Variants in SPICE1 observed in about 807,000 individuals in gnomAD.
The protein encoded by SPICE1 is spindle and centriole associated protein 1.
In SPICE1, 75 loss-of-function variants were observed where a neutral mutation model predicts 102.7. The observed-to-expected ratio is 0.73, with a 90% CI of 0.61 to 0.88. The LOEUF (loss-of-function observed/expected upper bound fraction) is 0.88. SPICE1 is among the 40% of genes least tolerant of loss of function. The probability of loss-of-function intolerance (pLI) is 0.00; values close to 1 mark genes in which losing one functional copy is unlikely to be tolerated. For synonymous variants in SPICE1, 308 were observed against 350.3 expected (o/e 0.88, Z 1.35); for missense variants, 979 against 1,020.1 (o/e 0.96, Z 0.55).
At chr3:113,482,876 T>G (rs1382664600) in intron 7 of SPICE1, among the ~76,000 whole-genome samples, 2 of 152,246 alleles carry the variant, frequency 1.3e-5, no homozygotes. Context: ...TAGGATTGTC[T>G]TGGCTATGCA....
In SPICE1 at chr3:113,444,769, C is replaced by A. The variant is rs547088436; in HGVS notation, c.*538G>T. 2.6e-5 allele frequency: 4 copies of A among 152,114 alleles called. No individual in the cohort carries two copies. Among genetic ancestry groups the A allele is most frequent in the Admixed American group, 2.6e-4 (4 of 15,270 alleles). The allele number at this position is 152,114 out of a possible 1,614,324, so 9.4% of individuals were successfully genotyped here. On this transcript the variant is annotated 3_prime_UTR_variant, in exon 18 of 18. Transcript: ENST00000295872. The stretch of plus-strand genomic sequence containing the variant: ...CTTAAGCAAATATAAACAAACACTC[C>A]CAGGCCTATTGTTTTTAAGGCTGTA...
chr3:113,446,727 C>T (rs1559954956), intron 16 of SPICE1, 51 bp from the exon 17 acceptor site: 3 of 1,415,040 alleles, frequency 2.1e-6, no homozygotes, highest in Non-Finnish European at 3.0e-6. Flanking sequence ...CATTATTAAC[C>T]TTAAAAGATT....
intron 7 of SPICE1, among the ~76,000 whole-genome samples, chr3:113,477,382 T>G (rs1485116436): frequency 1.3e-5 from 2 of 151,978 alleles, no homozygotes; most frequent in Non-Finnish European, 2.9e-5. Flanking sequence ...GTGTGGCGAT[T>G]CCTCAGGGAT....
chr3:113,465,759 A>G lies in SPICE1; in HGVS notation c.1181T>C (p.Val394Ala), dbSNP rs1382009854. 2 of 1,613,620 alleles carry G rather than the reference A, an allele frequency of 1.2e-6. No individual in the cohort carries two copies. Among genetic ancestry groups the G allele is most frequent in the East Asian group, 2.2e-5 (1 of 44,804 alleles). Residue 394 changes from valine to alanine, a missense_variant, in exon 11 of 18, where the codon GTA (valine) becomes GCA (alanine). Transcript: ENST00000295872. ...TTGTTCCAGTTGTTGCCTTGTCTCT[A>G]CTTCTTTACGTAGCTGGATCTCACT... ...KESEIQLRKEVETRQQLEQVL... is the reference protein window; with the variant it reads ...KESEIQLRKEAETRQQLEQVL...
intron 10 of SPICE1, 30 bp from the exon 11 acceptor site, chr3:113,465,814 C>T: frequency 6.2e-7 from 1 of 1,601,306 alleles, no homozygotes; most frequent in East Asian, 2.2e-5. Context: ...AAACTTCCAC[C>T]AATAGCATCA....
rs766119203 is a variant in SPICE1, at chr3:113,468,214, C to A, written c.1080G>T (p.Gln360His). 4 of 1,614,198 alleles carry A rather than the reference C, an allele frequency of 2.5e-6. No individual in the cohort carries two copies. Among genetic ancestry groups the A allele is most frequent in the Non-Finnish European group, 3.4e-6 (4 of 1,180,048 alleles). The change falls in exon 10 of 18, where the codon CAG becomes CAT. Residue 360 changes from glutamine to histidine, a missense_variant. Physicochemically the swap from Gln to His is conservative, Grantham distance 24. Coordinates refer to ENST00000295872, the MANE Select transcript of SPICE1 (RefSeq NM_144718.4). ...TGAAGCCTGTAAGACCCTGACTGCT[C>A]TGCAGACCCTTGACCTCGCGACCTG... The part of the protein sequence containing the change: ...RWTGREVKGL[Q>H]SSQGLTGFTL...
chr3:113,463,197 G>A lies in SPICE1; in HGVS notation c.1288-2433C>T, dbSNP rs112407693. 8.2e-3 allele frequency among the ~76,000 whole-genome samples: 1,254 copies of A among 152,202 alleles called. 20 individuals are homozygous for A. The highest frequency in any genetic ancestry group is 0.029 in the African/African-American group (1,192 of 41,526). ...CTACCCCATCCTATGCATTTCCTGT[G>A]CCTTTATGTGCTTTATTTTTCTTCA... On this transcript the variant is annotated intron_variant, in intron 11 of 17. Transcript: ENST00000295872.
Position 113,463,940 on chromosome 3 carries a change from C to T in SPICE1, c.1287+1713G>A, listed in dbSNP as rs950263819. On this transcript the variant is annotated intron_variant, in intron 11 of 17. Coordinates refer to ENST00000295872, the MANE Select transcript of SPICE1 (RefSeq NM_144718.4). ...ACAATTAGCCAGGCGTAGTGGCAGG[C>T]GCCTGTAGTCCCAGCTACTCAGGAG... Among the ~76,000 whole-genome samples the T allele has an allele frequency of 5.6e-4, 85 of 152,090 alleles. 2 individuals carry two copies. The highest frequency in any genetic ancestry group is 4.2e-3 in the South Asian group (20 of 4,806).
chr3:113,458,447 C>T (rs984194353), intron 12 of SPICE1, among the ~76,000 whole-genome samples: 10 of 152,208 alleles, frequency 6.6e-5, no homozygotes, highest in East Asian at 1.9e-4. Flanking sequence ...CTCCTGACCG[C>T]GAGTGATCTG....
chr3:113,478,194 T>A lies in SPICE1; in HGVS notation c.612-8956A>T, dbSNP rs138258510. 5.9e-5 allele frequency among the ~76,000 whole-genome samples: 9 copies of A among 152,254 alleles called. No homozygotes were observed. The East Asian group carries it at 1.5e-3, about 26-fold the overall frequency. ...TAAACAGTACTATAAAATAATGTGA[T>A]GAAGTTAACATCAAACATATCAGTA... On this transcript the variant is annotated intron_variant, in intron 7 of 17. Coordinates refer to ENST00000295872, the MANE Select transcript of SPICE1 (RefSeq NM_144718.4).
chr3:113,451,416 A>C (rs539668289), intron 14 of SPICE1, among the ~76,000 whole-genome samples: 1 of 152,214 alleles, frequency 6.6e-6, no homozygotes, highest in Non-Finnish European at 1.5e-5. Flanking sequence ...CTCTTTGGAA[A>C]AAAATAATCC....
chr3:113,510,172 C>T (rs563440246), intron 1 of SPICE1, among the ~76,000 whole-genome samples: 1 of 152,252 alleles, frequency 6.6e-6, no homozygotes, highest in Admixed American at 6.5e-5. Context: ...AGAATCAATA[C>T]AGTGAAAATA....
intron 10 of SPICE1, 37 bp from the exon 11 acceptor site, chr3:113,465,821 A>G: frequency 6.3e-7 from 1 of 1,597,420 alleles, no homozygotes; most frequent in Non-Finnish European, 8.5e-7. Flanking sequence ...CACCAATAGC[A>G]TCACATGTTG....
At chr3:113,477,554 A>G (rs1936383188) in intron 7 of SPICE1, among the ~76,000 whole-genome samples, 1 of 152,018 alleles carries the variant, frequency 6.6e-6, no homozygotes, top group Non-Finnish European at 1.5e-5. Context: ...CAACAACGAT[A>G]GACTGGATTA....
chr3:113,469,121 A>G lies in SPICE1; in HGVS notation c.729T>C (p.Ala243=), dbSNP rs137959228. The G allele has an allele frequency of 1.7e-5, 28 of 1,613,602 alleles. No individual in the cohort carries two copies. Among genetic ancestry groups the G allele is most frequent in the Admixed American group, 6.7e-5 (4 of 59,910 alleles). Residue 243 remains alanine (A), a synonymous_variant, in exon 8 of 18, where the codon GCT becomes GCC. Coordinates refer to ENST00000295872, the MANE Select transcript of SPICE1 (RefSeq NM_144718.4). The part of the protein sequence containing the change: ...QITPPGTPSS[A]LSSGEQRAAL... ...AACCTCTTTGCTCCCCTGATGAAAGAGCAGATGATGGCGTTCCTGGAGGAG... is the reference window on the plus strand; with the variant it reads ...AACCTCTTTGCTCCCCTGATGAAAGGGCAGATGATGGCGTTCCTGGAGGAG...
Position 113,457,331 on chromosome 3 carries a change from A to T in SPICE1, c.1462T>A (p.Ser488Thr). The T allele has an allele frequency of 6.2e-7, 1 of 1,614,206 alleles. No homozygotes were observed. The highest frequency in any genetic ancestry group is 8.5e-7 in the Non-Finnish European group (1 of 1,180,044). The change falls in exon 13 of 18, where the codon TCA becomes ACA. Residue 488 changes from serine (S) to threonine (T), a missense_variant. Coordinates refer to ENST00000295872, the MANE Select transcript of SPICE1 (RefSeq NM_144718.4). ...PERPVVNANV[S>T]VPLMFREEVA... The stretch of plus-strand genomic sequence containing the variant: ...TCCTCTCTGAACATCAATGGCACTG[A>T]GACATTGGCATTTACAACTGGACGC...
At chr3:113,506,978 A>C (rs1937125672) in intron 1 of SPICE1, among the ~76,000 whole-genome samples, 3 of 152,214 alleles carry the variant, frequency 2.0e-5, no homozygotes. Flanking sequence ...ATATGAATGT[A>C]AGGTGAAGGG....
intron 7 of SPICE1, among the ~76,000 whole-genome samples, chr3:113,487,697 A>T (rs1353542611): frequency 6.6e-6 from 1 of 152,184 alleles, no homozygotes; most frequent in Non-Finnish European, 1.5e-5. Context: ...TGACAAATAA[A>T]CATCAAAATA....
intron 7 of SPICE1, among the ~76,000 whole-genome samples, chr3:113,479,737 T>A (rs892496434): frequency 1.3e-5 from 2 of 152,198 alleles, no homozygotes; most frequent in African/African-American, 2.4e-5. Flanking sequence ...CCAGAATGTA[T>A]GGTACACATT....
Sources: gnomAD v4.1 joint callset for allele counts (sites outside exome capture counted in the v4.1 genomes callset) on GRCh38, gnomAD v4.1.1 for gene constraint, MANE v1.5 for transcripts, NCBI Gene and HGNC (gene_info 2026-07-23, HGNC 2026-07-21) for gene names.